DCAF6: variants seen among roughly 807,000 people sequenced by gnomAD.
The protein encoded by DCAF6 is DDB1 and CUL4 associated factor 6.
A neutral mutation model predicts 125.1 loss-of-function variants in DCAF6; 54 were observed. The ratio of observed to expected loss-of-function variants is 0.43; its 90% CI spans 0.35 to 0.54. DCAF6 has a LOEUF of 0.54. Ranked by LOEUF, DCAF6 falls within the 20% of genes least tolerant of loss-of-function variation. The probability of loss-of-function intolerance (pLI) is 0.01; values close to 1 mark genes in which losing one functional copy is unlikely to be tolerated. For missense variants in DCAF6, 934 were observed against 1,161.7 expected, an observed-to-expected ratio of 0.80 and a Z score of 2.85; for synonymous variants, 371 against 390.4, an observed-to-expected ratio of 0.95 and a Z score of 0.58.
intron 12 of DCAF6, among the ~76,000 whole-genome samples, chr1:168,029,849 G>A (rs1321312870): frequency 6.6e-6 from 1 of 151,958 alleles, no homozygotes. Flanking sequence ...CTGTGGTGGC[G>A]GGCACCTGTA....
chr1:167,997,278 C>T (rs1313188258), intron 7 of DCAF6, among the ~76,000 whole-genome samples: 2 of 152,132 alleles, frequency 1.3e-5, no homozygotes, highest in Admixed American at 6.6e-5. Context: ...AAAAATTCCT[C>T]TCTGTTGAAA....
chr1:167,944,506 C>G (rs1311024519), intron 1 of DCAF6, among the ~76,000 whole-genome samples: 1 of 152,144 alleles, frequency 6.6e-6, no homozygotes, highest in Non-Finnish European at 1.5e-5. Flanking sequence ...GACATTCTGA[C>G]TAGGATAAGG....
At chr1:167,933,165 A>T (rs1033243085), upstream of DCAF6, among the ~76,000 whole-genome samples, 1 of 148,526 alleles carries the variant, frequency 6.7e-6, no homozygotes, top group Non-Finnish European at 1.5e-5. Context: ...ATAAAAACAC[A>T]TTAGTTTTTT....
chr1:168,075,329 T>G, intron 21 of DCAF6, 42 bp from the exon 22 acceptor site: 1 of 1,539,778 alleles, frequency 6.5e-7, no homozygotes, highest in Non-Finnish European at 8.8e-7. Flanking sequence ...TTGTAATTAC[T>G]AAAAGTATTT....
chr1:167,897,458 C>G, the DCAF6 span, among the ~76,000 whole-genome samples: 1 of 149,866 alleles, frequency 6.7e-6, no homozygotes, highest in Admixed American at 6.7e-5. Context: ...GATCATGCCA[C>G]CTCACTCCCC....
At chr1:167,872,973 G>A in the DCAF6 span, among the ~76,000 whole-genome samples, 11 of 151,840 alleles carry the variant, frequency 7.2e-5, no homozygotes, top group Non-Finnish European at 1.3e-4. Context: ...GGGAAGCTGA[G>A]GCAGAAGAAT....
At position 168,053,027 on chromosome 1, in the gene DCAF6, C is replaced by G. The variant is rs566009833; in HGVS notation, c.2300+2094C>G. Reference sequence around the variant, plus strand: ...ACATTCAGAGGACTATTGGAGTTCTCTGAATACATTATGCTGCCTTAAGTC... The same window carrying G: ...ACATTCAGAGGACTATTGGAGTTCTGTGAATACATTATGCTGCCTTAAGTC... On this transcript the variant is annotated intron_variant, in intron 17 of 21. Transcript: ENST00000367840. Among the ~76,000 whole-genome samples, 9 of 152,266 alleles carry G rather than the reference C, an allele frequency of 5.9e-5. No homozygotes were observed. In the South Asian group the frequency reaches 1.9e-3, roughly 32 times the overall value.
Position 167,993,213 on chromosome 1 carries a change from GT to G in DCAF6, c.689-10del. 6.3e-7 allele frequency: 1 copy of G among 1,590,478 alleles called. No individual in the cohort carries two copies. The highest frequency in any genetic ancestry group is 8.5e-7 in the Non-Finnish European group (1 of 1,170,782). On this transcript the variant is annotated splice_polypyrimidine_tract_variant and intron_variant, in intron 6 of 21. Transcript: ENST00000367840. ...CATTATTAATTTTAAATAACTTCTT[GT>G]TTCTTTTTTAGGGAATTATGCAGGT...
At chr1:167,909,350 A>C in the DCAF6 span, among the ~76,000 whole-genome samples, 7 of 152,106 alleles carry the variant, frequency 4.6e-5, no homozygotes. Flanking sequence ...ATTCTTATTC[A>C]TGTGTTTTGG....
At chr1:168,035,547 G>C (rs955653167) in intron 12 of DCAF6, among the ~76,000 whole-genome samples, 1 of 152,136 alleles carries the variant, frequency 6.6e-6, no homozygotes, top group Non-Finnish European at 1.5e-5. Flanking sequence ...TGTAGGCTAC[G>C]AGGAAATAAC....
At chr1:167,911,594 C>T in the DCAF6 span, among the ~76,000 whole-genome samples, 4 of 152,194 alleles carry the variant, frequency 2.6e-5, no homozygotes, top group East Asian at 1.9e-4. Context: ...GGTCCTGTTC[C>T]GGCCAATGGG....
At chr1:168,048,980 A>G (rs182356368) in intron 16 of DCAF6, among the ~76,000 whole-genome samples, 4 of 152,332 alleles carry the variant, frequency 2.6e-5, no homozygotes, top group African/African-American at 9.6e-5. Context: ...TACTGGCAAA[A>G]ATCCAGACTT....
chr1:167,963,424 T>G (rs1300520631), intron 2 of DCAF6, among the ~76,000 whole-genome samples: 1 of 138,204 alleles, frequency 7.2e-6, no homozygotes, highest in African/African-American at 2.7e-5. Flanking sequence ...CCTTTTGTGT[T>G]TTTTTTGTTT....
intron 12 of DCAF6, among the ~76,000 whole-genome samples, chr1:168,025,989 A>G (rs1209379011): frequency 6.6e-6 from 1 of 152,180 alleles, no homozygotes; most frequent in Admixed American, 6.5e-5. Flanking sequence ...TCCCTTGTAC[A>G]GGCTGTACAT....
chr1:168,073,626 T>A (rs953538630), intron 21 of DCAF6, among the ~76,000 whole-genome samples: 4 of 152,110 alleles, frequency 2.6e-5, no homozygotes. Context: ...ATCTTCTTTA[T>A]AATGTGACAA....
intron 1 of DCAF6, among the ~76,000 whole-genome samples, chr1:167,945,722 G>C (rs1210362910): frequency 1.3e-5 from 2 of 151,424 alleles, no homozygotes; most frequent in Non-Finnish European, 2.9e-5. Flanking sequence ...GGATGGTCTC[G>C]ATCTCTTGAC....
At chr1:167,886,036 C>T in the DCAF6 span, among the ~76,000 whole-genome samples, 14 of 152,044 alleles carry the variant, frequency 9.2e-5, no homozygotes, top group Admixed American at 3.9e-4. Context: ...CACTGCTCAA[C>T]GAAGTAAAAG....
intron 21 of DCAF6, among the ~76,000 whole-genome samples, chr1:168,073,751 C>A (rs1429464812): frequency 6.6e-6 from 1 of 151,874 alleles, no homozygotes; most frequent in South Asian, 2.1e-4. Flanking sequence ...ACTCAGGATT[C>A]CCATTCCTGA....
chr1:168,025,732 C>A (rs1357786483), intron 12 of DCAF6, among the ~76,000 whole-genome samples: 1 of 152,126 alleles, frequency 6.6e-6, no homozygotes, highest in Non-Finnish European at 1.5e-5. Context: ...CTTCTCACAT[C>A]CACTCAGGCT....
Sources: gnomAD v4.1 joint callset for allele counts (sites outside exome capture counted in the v4.1 genomes callset) on GRCh38, gnomAD v4.1.1 for gene constraint, MANE v1.5 for transcripts, NCBI Gene and HGNC (gene_info 2026-07-23, HGNC 2026-07-21) for gene names.